GABRG3: variants seen among roughly 807,000 people sequenced by gnomAD.
The protein encoded by GABRG3 is gamma-aminobutyric acid receptor subunit gamma-3.
Under a neutral mutation model 48.8 loss-of-function variants are expected in GABRG3, and 25 were observed. The ratio of observed to expected loss-of-function variants is 0.51; its 90% CI spans 0.37 to 0.72. GABRG3 has a LOEUF of 0.72. Among genes scored for constraint, GABRG3 ranks in the 30% least tolerant of loss-of-function variants. The probability of loss-of-function intolerance (pLI) is 0.00; values close to 1 mark genes in which losing one functional copy is unlikely to be tolerated. For missense variants in GABRG3, 394 were observed against 577.9 expected, an observed-to-expected ratio of 0.68 and a Z score of 3.26; for synonymous variants, 227 against 217.6, an observed-to-expected ratio of 1.04 and a Z score of -0.38.
At chr15:26,981,956 C>T (rs575241939) in intron 2 of GABRG3, among the ~76,000 whole-genome samples, 1 of 152,298 alleles carries the variant, frequency 6.6e-6, no homozygotes, top group African/African-American at 2.4e-5. Flanking sequence ...TCTAGTGCAG[C>T]GTTGGAGAAA....
intron 3 of GABRG3, among the ~76,000 whole-genome samples, chr15:27,300,354 T>G (rs1892153656): frequency 6.6e-6 from 1 of 152,022 alleles, no homozygotes; most frequent in African/African-American, 2.4e-5. Context: ...TTACAAAGAA[T>G]GAAGGCACGT....
intron 3 of GABRG3, among the ~76,000 whole-genome samples, chr15:27,143,334 C>T (rs139788716): frequency 1.3e-3 from 198 of 152,270 alleles, no homozygotes; most frequent in African/African-American, 4.6e-3. Context: ...CCTGCCTTAG[C>T]CTCTCTAAGC....
chr15:27,039,635 A>G (rs1299838764), intron 3 of GABRG3, among the ~76,000 whole-genome samples: 3 of 152,224 alleles, frequency 2.0e-5, no homozygotes, highest in East Asian at 3.9e-4. Context: ...CCATTTTCCA[A>G]CTCAACTCTA....
intron 3 of GABRG3, among the ~76,000 whole-genome samples, chr15:27,226,495 A>G (rs8026901): frequency 0.32 from 48,690 of 152,102 alleles, 12,420 homozygotes; most frequent in African/African-American, 0.69. Context: ...GCTGGGCCCC[A>G]GGCAAGCTGG....
At chr15:27,361,950 CT>C (rs1365550025) in intron 5 of GABRG3, among the ~76,000 whole-genome samples, 3 of 151,848 alleles carry the variant, frequency 2.0e-5, no homozygotes, top group East Asian at 1.9e-4. Context: ...GATAAACCTC[CT>C]TTTTATTCAC....
intron 3 of GABRG3, among the ~76,000 whole-genome samples, chr15:27,277,038 C>A (rs760178045): frequency 2.0e-5 from 3 of 152,144 alleles, no homozygotes; most frequent in Admixed American, 6.5e-5. Context: ...TAATAAGATG[C>A]TCAAGAAGGG....
At chr15:27,436,574 T>C (rs991443322) in intron 5 of GABRG3, among the ~76,000 whole-genome samples, 1 of 152,222 alleles carries the variant, frequency 6.6e-6, no homozygotes. Flanking sequence ...GGTAACATGA[T>C]TACTCTTGTT....
At position 26,975,635 on chromosome 15, in the gene GABRG3, G is replaced by A. The variant is rs1049615489; in HGVS notation, c.54-1367G>A. On this transcript the variant is annotated intron_variant, in intron 1 of 9. Coordinates refer to ENST00000615808, the MANE Select transcript of GABRG3 (RefSeq NM_033223.5). This position sits in a 1 kb window ranked among gnomAD's most constrained non-coding sequence, Gnocchi z 4.6. The stretch of plus-strand genomic sequence containing the variant: ...TATATATGAAGACCTAAATTAAGTG[G>A]AAAAAATGAATATGAAATTTTATTT... Among the ~76,000 whole-genome samples, 1 of 152,054 alleles carries A rather than the reference G, an allele frequency of 6.6e-6. No individual in the cohort carries two copies. Among genetic ancestry groups the A allele is most frequent in the Non-Finnish European group, 1.5e-5 (1 of 68,028 alleles).
intron 3 of GABRG3, among the ~76,000 whole-genome samples, chr15:27,148,546 T>C (rs1166272510): frequency 6.6e-6 from 1 of 151,932 alleles, no homozygotes; most frequent in Non-Finnish European, 1.5e-5. Context: ...TCACAGGAAA[T>C]GAAAACTACA....
intron 3 of GABRG3, among the ~76,000 whole-genome samples, chr15:27,032,943 C>T (rs1256847132): frequency 6.6e-6 from 1 of 152,146 alleles, no homozygotes; most frequent in African/African-American, 2.4e-5. Flanking sequence ...CCCCAGAGGT[C>T]CCAACTGAGG....
intron 3 of GABRG3, among the ~76,000 whole-genome samples, chr15:27,079,963 G>A (rs1896965715): frequency 6.6e-6 from 1 of 152,164 alleles, no homozygotes; most frequent in Non-Finnish European, 1.5e-5. Context: ...ATGCAGAGGT[G>A]GAGCTTTTGA....
intron 2 of GABRG3, among the ~76,000 whole-genome samples, chr15:26,986,510 C>A (rs979121377): frequency 3.9e-5 from 6 of 152,154 alleles, no homozygotes; most frequent in Admixed American, 3.3e-4. Context: ...ACCCTTCGCA[C>A]ACACACCTGA....
intron 2 of GABRG3, among the ~76,000 whole-genome samples, chr15:27,009,841 T>A (rs1011021313): frequency 6.6e-6 from 1 of 152,088 alleles, no homozygotes; most frequent in African/African-American, 2.4e-5. Context: ...TCAGGCAACT[T>A]CTTCTTCCTC....
At chr15:27,265,911 G>A (rs1406945190) in intron 3 of GABRG3, among the ~76,000 whole-genome samples, 1 of 103,760 alleles carries the variant, frequency 9.6e-6, no homozygotes, top group Non-Finnish European at 1.7e-5. Flanking sequence ...AGTGACCTTC[G>A]CTCTTGTTGC....
chr15:27,475,390 G>A (rs1030238664), intron 5 of GABRG3, among the ~76,000 whole-genome samples: 6 of 152,118 alleles, frequency 3.9e-5, no homozygotes, highest in African/African-American at 1.2e-4. Context: ...GGAATAGTTC[G>A]TAGACTATAA....
At chr15:27,026,969 A>G in intron 3 of GABRG3, 148 bp downstream of exon 3, 1 of 456,710 alleles carries the variant, frequency 2.2e-6, no homozygotes, top group Non-Finnish European at 3.6e-6. Flanking sequence ...AATATTGAAA[A>G]TGGTAAAAAA....
chr15:27,066,185 C>G (rs1338275187), intron 3 of GABRG3, among the ~76,000 whole-genome samples: 1 of 152,130 alleles, frequency 6.6e-6, no homozygotes, highest in African/African-American at 2.4e-5. Context: ...TTCCTAAGCC[C>G]TGATAGAGCT....
chr15:27,403,065 A>G (rs1381394517), intron 5 of GABRG3, among the ~76,000 whole-genome samples: 1 of 152,204 alleles, frequency 6.6e-6, no homozygotes. Context: ...TAAGATATAA[A>G]TTTGAACAGT....
chr15:27,394,788 C>T (rs1476487066), intron 5 of GABRG3, among the ~76,000 whole-genome samples: 2 of 152,256 alleles, frequency 1.3e-5, no homozygotes, highest in East Asian at 1.9e-4. Flanking sequence ...TGCCTTTTGA[C>T]TTCCATTAGT....
Sources: gnomAD v4.1 joint callset for allele counts (sites outside exome capture counted in the v4.1 genomes callset) on GRCh38, gnomAD v4.1.1 for gene constraint, Gnocchi (gnomAD v3.1) non-coding constraint, MANE v1.5 for transcripts, NCBI Gene and HGNC (gene_info 2026-07-23, HGNC 2026-07-21) for gene names.